The following VPS13A variants were observed in gnomAD, a reference collection of about 807,000 sequenced individuals.
The protein encoded by VPS13A is vacuolar protein sorting 13 homolog A.
VPS13A carries 264 observed loss-of-function variants against 390.9 expected under a neutral mutation model. The observed-to-expected ratio is 0.68, with a 90% CI of 0.61 to 0.75. The LOEUF is 0.75. VPS13A is among the 30% of genes least tolerant of loss of function. The probability of loss-of-function intolerance (pLI) is 0.00; values close to 1 mark genes in which losing one functional copy is unlikely to be tolerated. For missense variants in VPS13A, 3,409 were observed against 3,733.9 expected, an observed-to-expected ratio of 0.91 and a Z score of 2.27; for synonymous variants, 1,231 against 1,227.1, an observed-to-expected ratio of 1.00 and a Z score of -0.07.
intron 68 of VPS13A, among the ~76,000 whole-genome samples, chr9:77,386,785 G>A: frequency 6.7e-6 from 1 of 150,114 alleles, no homozygotes; most frequent in Admixed American, 6.7e-5. Flanking sequence ...TCGGCTGACT[G>A]CAAACTCCAC....
At chr9:77,196,085 A>G (rs577572308) in intron 1 of VPS13A, among the ~76,000 whole-genome samples, 1 of 151,994 alleles carries the variant, frequency 6.6e-6, no homozygotes, top group South Asian at 2.1e-4. Context: ...TAATTTTCAT[A>G]TATTTGTTCA....
intron 70 of VPS13A, 62 bp downstream of exon 70, chr9:77,406,049 C>A: frequency 6.3e-7 from 1 of 1,596,116 alleles, no homozygotes; most frequent in Non-Finnish European, 8.5e-7. Context: ...TGAAGTAGTC[C>A]TTTTTATTTG....
intron 67 of VPS13A, among the ~76,000 whole-genome samples, chr9:77,380,889 A>T (rs995928611): frequency 1.3e-5 from 2 of 152,152 alleles, no homozygotes; most frequent in Non-Finnish European, 2.9e-5. Flanking sequence ...GCCGCTGCTG[A>T]TATGACAGGA....
chr9:77,299,359 A>G (rs1335760712), intron 33 of VPS13A, among the ~76,000 whole-genome samples: 3 of 152,144 alleles, frequency 2.0e-5, no homozygotes, highest in Non-Finnish European at 4.4e-5. Flanking sequence ...CAGTATGGCC[A>G]TTTACCACAG....
intron 34 of VPS13A, among the ~76,000 whole-genome samples, chr9:77,303,645 G>A (rs1828516790): frequency 6.6e-6 from 1 of 152,146 alleles, no homozygotes; most frequent in Admixed American, 6.6e-5. Flanking sequence ...GAATGTAGTA[G>A]GAAAGCAGGG....
intron 23 of VPS13A, among the ~76,000 whole-genome samples, chr9:77,265,073 G>A (rs192188556): frequency 5.7e-4 from 87 of 152,262 alleles, no homozygotes; most frequent in African/African-American, 1.9e-3. Context: ...TTTGTCACTG[G>A]TTCAGTTTAT....
intron 23 of VPS13A, among the ~76,000 whole-genome samples, chr9:77,263,926 G>A (rs905228363): frequency 6.6e-6 from 1 of 152,160 alleles, no homozygotes. Flanking sequence ...TTTTGCATAA[G>A]GTCTAAGGAA....
At chr9:77,262,423 G>C (rs1825808734) in intron 23 of VPS13A, among the ~76,000 whole-genome samples, 1 of 152,074 alleles carries the variant, frequency 6.6e-6, no homozygotes, top group Non-Finnish European at 1.5e-5. Flanking sequence ...TCCAAAAATA[G>C]TGTAAAGAAG....
chr9:77,228,493 A>G (rs960060556), intron 17 of VPS13A, among the ~76,000 whole-genome samples: 3 of 152,138 alleles, frequency 2.0e-5, no homozygotes, highest in African/African-American at 7.2e-5. Flanking sequence ...ATGATCAGCA[A>G]CTACACTACA....
At chr9:77,178,495 G>GAAA (rs1417826523) in intron 1 of VPS13A, among the ~76,000 whole-genome samples, 5 of 152,350 alleles carry the variant, frequency 3.3e-5, no homozygotes, top group East Asian at 1.9e-4. Context: ...CTAGGAATGT[G>GAAA]TAACATTTTC....
intron 52 of VPS13A, among the ~76,000 whole-genome samples, chr9:77,347,870 T>A (rs966633392): frequency 6.6e-6 from 1 of 152,112 alleles, no homozygotes; most frequent in African/African-American, 2.4e-5. Flanking sequence ...GAAGTTTTTT[T>A]TTTTCCTGAA....
At chr9:77,250,341 AT>A in intron 21 of VPS13A, 112 bp downstream of exon 21, 1 of 1,286,964 alleles carries the variant, frequency 7.8e-7, no homozygotes, top group Non-Finnish European at 1.1e-6. Context: ...ATATTTTTGA[AT>A]TAGAAATGAT....
At chr9:77,401,047 A>C (rs1161002724) in intron 68 of VPS13A, among the ~76,000 whole-genome samples, 2 of 152,056 alleles carry the variant, frequency 1.3e-5, no homozygotes, top group Non-Finnish European at 2.9e-5. Flanking sequence ...CCGTAATTGG[A>C]TAGGATTTTA....
intron 40 of VPS13A, among the ~76,000 whole-genome samples, chr9:77,318,019 A>G (rs1422763769): frequency 6.6e-6 from 1 of 151,942 alleles, no homozygotes; most frequent in African/African-American, 2.4e-5. Flanking sequence ...ATGGAATAAT[A>G]TCTGCAAGAT....
At chr9:77,323,697 T>C (rs1829864666) in intron 45 of VPS13A, among the ~76,000 whole-genome samples, 1 of 152,148 alleles carries the variant, frequency 6.6e-6, no homozygotes, top group Admixed American at 6.6e-5. Flanking sequence ...TAGAAAAATT[T>C]TCTGTTTCCC....
intron 70 of VPS13A, among the ~76,000 whole-genome samples, chr9:77,407,102 A>G (rs1834651560): frequency 6.6e-6 from 1 of 152,160 alleles, no homozygotes; most frequent in Non-Finnish European, 1.5e-5. Flanking sequence ...TGCACATACA[A>G]TATATGTATG....
intron 23 of VPS13A, among the ~76,000 whole-genome samples, chr9:77,266,280 G>A (rs759235337): frequency 3.3e-5 from 5 of 152,146 alleles, no homozygotes; most frequent in Non-Finnish European, 7.3e-5. Flanking sequence ...TGATTTGGGG[G>A]TGGAGAGTTC....
chr9:77,207,234 TA>T (rs1564630257), intron 5 of VPS13A, among the ~76,000 whole-genome samples: 43 of 100,366 alleles, frequency 4.3e-4, no homozygotes, highest in African/African-American at 1.3e-3. Flanking sequence ...TATATATATA[TA>T]TATATATATA....
chr9:77,248,197 T>C (rs971241163), intron 20 of VPS13A, among the ~76,000 whole-genome samples: 4 of 151,974 alleles, frequency 2.6e-5, no homozygotes, highest in Admixed American at 2.6e-4. Flanking sequence ...TCTGTTTACC[T>C]AAGTCATTTC....
Sources: gnomAD v4.1 joint callset for allele counts (sites outside exome capture counted in the v4.1 genomes callset) on GRCh38, gnomAD v4.1.1 for gene constraint, MANE v1.5 for transcripts, NCBI Gene and HGNC (gene_info 2026-07-23, HGNC 2026-07-21) for gene names.